Variants in IFNAR2 observed in about 807,000 individuals in gnomAD.
IFNAR2 encodes the protein interferon alpha and beta receptor subunit 2.
In IFNAR2, 30 loss-of-function variants were observed where a neutral mutation model predicts 49.4. The ratio of observed to expected loss-of-function variants is 0.61; its 90% confidence interval spans 0.45 to 0.82. The LOEUF (loss-of-function observed/expected upper bound fraction) is 0.82. Ranked by LOEUF, IFNAR2 falls within the 40% of genes least tolerant of loss-of-function variation. The pLI is 0.00. For synonymous variants in IFNAR2, 224 were observed against 234.5 expected (o/e 0.96, Z 0.41); for missense variants, 600 against 622.7 (o/e 0.96, Z 0.39).
intron 4 of IFNAR2, among the ~76,000 whole-genome samples, chr21:33,246,264 G>C (rs1432272330): frequency 6.6e-6 from 1 of 152,058 alleles, no homozygotes; most frequent in Non-Finnish European, 1.5e-5. Flanking sequence ...TAGAGACGGG[G>C]TTTCACCATG....
intron 1 of IFNAR2, among the ~76,000 whole-genome samples, chr21:33,233,878 T>A (rs1340142475): frequency 6.6e-6 from 1 of 151,942 alleles, no homozygotes; most frequent in African/African-American, 2.4e-5. Context: ...TAGAATGCGA[T>A]TGTTATTAAT....
At chr21:33,247,877 C>A (rs1987557216) in intron 5 of IFNAR2, among the ~76,000 whole-genome samples, 1 of 152,208 alleles carries the variant, frequency 6.6e-6, no homozygotes, top group African/African-American at 2.4e-5. Flanking sequence ...ATAACTGAAT[C>A]CCCCTGTGGC....
chr21:33,235,819 T>C (rs1986408391), intron 1 of IFNAR2, among the ~76,000 whole-genome samples: 1 of 152,056 alleles, frequency 6.6e-6, no homozygotes, highest in East Asian at 1.9e-4. Flanking sequence ...CCAGCTACTC[T>C]GGAGGCTCAG....
chr21:33,258,103 G>A (rs1248992172), intron 7 of IFNAR2, among the ~76,000 whole-genome samples: 1 of 152,156 alleles, frequency 6.6e-6, no homozygotes. Flanking sequence ...TCAGGAGTTC[G>A]AGTTCAGCCT....
At chr21:33,250,921 G>A (rs1987792842) in intron 6 of IFNAR2, among the ~76,000 whole-genome samples, 1 of 152,206 alleles carries the variant, frequency 6.6e-6, no homozygotes, top group Non-Finnish European at 1.5e-5. Context: ...GCAGGTGAGG[G>A]TTAGATAGGG....
At chr21:33,231,624 CAA>C in intron 1 of IFNAR2, 1 of 904,074 alleles carries the variant, frequency 1.1e-6, no homozygotes, top group Non-Finnish European at 1.3e-6. Context: ...CTTGCACACT[CAA>C]AGCCACATTG....
At chr21:33,246,036 G>A (rs1987371025) in intron 4 of IFNAR2, among the ~76,000 whole-genome samples, 1 of 151,858 alleles carries the variant, frequency 6.6e-6, no homozygotes, top group African/African-American at 2.4e-5. Context: ...CCACCATGAG[G>A]GCCCAAGTTT....
At chr21:33,258,002 T>A (rs1299617604) in intron 7 of IFNAR2, among the ~76,000 whole-genome samples, 1 of 152,056 alleles carries the variant, frequency 6.6e-6, no homozygotes. Context: ...GGCTTGTGGG[T>A]GTGATGAAAT....
At chr21:33,259,735 A>G (rs1460764804) in intron 7 of IFNAR2, among the ~76,000 whole-genome samples, 1 of 152,230 alleles carries the variant, frequency 6.6e-6, no homozygotes, top group African/African-American at 2.4e-5. Context: ...TGATATGACA[A>G]TCCAATCCTT....
At chr21:33,258,231 G>C (rs1038162632) in intron 7 of IFNAR2, among the ~76,000 whole-genome samples, 2 of 152,154 alleles carry the variant, frequency 1.3e-5, no homozygotes, top group African/African-American at 4.8e-5. Context: ...CTTGAACCCG[G>C]GAGGTGGGGG....
chr21:33,242,606 G>A (rs1045500449), intron 2 of IFNAR2, among the ~76,000 whole-genome samples: 20 of 149,950 alleles, frequency 1.3e-4, no homozygotes, highest in African/African-American at 3.7e-4. Flanking sequence ...GGTGGCGGGC[G>A]CCTGTAGTCC....
At position 33,242,728 on chromosome 21, in the gene IFNAR2, C is replaced by CAAAAAA. The variant is rs1182507309; in HGVS notation, c.55+766_55+771dup. Among the ~76,000 whole-genome samples, 40 of 48,580 alleles carry CAAAAAA rather than the reference C, an allele frequency of 8.2e-4. 6 individuals carry two copies. The highest frequency in any genetic ancestry group is 1.8e-3 in the South Asian group (2 of 1,092). The allele number at this position is 48,580 out of a possible 152,430, so 31.9% of individuals were successfully genotyped here. A position where few individuals can be genotyped will look rare whatever the true frequency, so the allele number is the denominator to read the frequency against. ...AGCCTGACAGAGCAAGACTCTGTCTCAAAAAAAAAAAAAAAAAAAATCTCG... is the reference window on the plus strand; with the variant it reads ...AGCCTGACAGAGCAAGACTCTGTCTCAAAAAAAAAAAAAAAAAAAAAAAAAATCTCG... On this transcript the variant is annotated intron_variant, in intron 2 of 8. Coordinates refer to ENST00000342136, the MANE Select transcript of IFNAR2 (RefSeq NM_001289125.3).
At chr21:33,258,134 A>C (rs1988335129) in intron 7 of IFNAR2, among the ~76,000 whole-genome samples, 1 of 152,076 alleles carries the variant, frequency 6.6e-6, no homozygotes. Flanking sequence ...GTAAAACCCC[A>C]TCTCTACTAA....
At chr21:33,244,614 G>A (rs1169710463) in intron 3 of IFNAR2, among the ~76,000 whole-genome samples, 1 of 152,126 alleles carries the variant, frequency 6.6e-6, no homozygotes, top group Non-Finnish European at 1.5e-5. Context: ...GAAAGGAAGT[G>A]CATCATGTGG....
Position 33,241,905 on chromosome 21 carries a change from A to C in IFNAR2, c.-18A>C. The C allele has an allele frequency of 6.2e-7, 1 of 1,610,536 alleles. No homozygotes were observed. Among genetic ancestry groups the C allele is most frequent in the Non-Finnish European group, 8.5e-7 (1 of 1,177,226 alleles). On this transcript the variant is annotated 5_prime_UTR_variant, in exon 2 of 9. Coordinates refer to ENST00000342136, the MANE Select transcript of IFNAR2 (RefSeq NM_001289125.3). Reference sequence around the variant, plus strand: ...TTTCAGATGTAAAAGTCAAGAGAAGACTCTAAAAATAGCAAAGATGCTTTT... The same window carrying C: ...TTTCAGATGTAAAAGTCAAGAGAAGCCTCTAAAAATAGCAAAGATGCTTTT...
intron 6 of IFNAR2, chr21:33,251,556 C>T (rs931636280): frequency 8.1e-6 from 8 of 985,034 alleles, no homozygotes; most frequent in East Asian, 1.1e-4. Context: ...TTTGTTGGGT[C>T]GTAAGTTTGT....
chr21:33,254,222 T>C (rs1988059509), intron 7 of IFNAR2, among the ~76,000 whole-genome samples: 1 of 152,164 alleles, frequency 6.6e-6, no homozygotes, highest in Non-Finnish European at 1.5e-5. Flanking sequence ...CAGGCCATGA[T>C]GGGAGTGAGT....
chr21:33,231,719 ATGTTT>A (rs113858480), intron 1 of IFNAR2: 71 of 981,866 alleles, frequency 7.2e-5, no homozygotes, highest in South Asian at 1.9e-4. Flanking sequence ...ATCAATCATC[ATGTTT>A]TGTTTTGTTT....
In IFNAR2 at chr21:33,248,783, ATTG is replaced by A; in HGVS notation, c.473_475del (p.Val158del). ...TAATGTGATGGTGAAATTTCCATCT[ATTG>A]TTGAGGAAGAATTACAGTTTGATTT... is the stretch of plus-strand genomic sequence containing the variant. On this transcript the variant is annotated inframe_deletion, in exon 6 of 9. Transcript: ENST00000342136. 6.2e-7 allele frequency: 1 copy of A among 1,610,826 alleles called. No homozygotes were observed. The highest frequency in any genetic ancestry group is 1.1e-5 in the South Asian group (1 of 90,678).
Sources: allele counts gnomAD v4.1 joint callset (sites outside exome capture counted in the v4.1 genomes callset), GRCh38; gene constraint gnomAD v4.1.1; transcripts MANE v1.5; gene names NCBI Gene and HGNC (gene_info 2026-07-23, HGNC 2026-07-21).